The following OR9Q1 variants were observed in gnomAD, a reference collection of about 807,000 sequenced individuals.
The protein encoded by OR9Q1 is olfactory receptor family 9 subfamily Q member 1.
For missense variants in OR9Q1, 374 were observed against 378.8 expected, an observed-to-expected ratio of 0.99 and a Z score of 0.11; for synonymous variants, 153 against 148.6, an observed-to-expected ratio of 1.03 and a Z score of -0.22.
intron 1 of OR9Q1, among the ~76,000 whole-genome samples, chr11:58,034,689 A>G (rs570577083): frequency 6.7e-6 from 1 of 149,216 alleles, no homozygotes; most frequent in African/African-American, 2.5e-5. Context: ...AGAAGGGTGA[A>G]GATAGAGCAT....
intron 1 of OR9Q1, chr11:58,031,040 T>TTCACACTCTTCC: frequency 2.5e-6 from 4 of 1,614,198 alleles, no homozygotes; most frequent in Non-Finnish European, 3.4e-6. Flanking sequence ...CCTCCTCTTC[T>TTCACACTCTTCC]TCATACTCTT....
intron 2 of OR9Q1, chr11:58,119,516 C>A: frequency 9.5e-7 from 1 of 1,054,830 alleles, no homozygotes; most frequent in South Asian, 1.6e-5. Context: ...AGGACAGAAT[C>A]TTTCCCTCTA....
intron 2 of OR9Q1, among the ~76,000 whole-genome samples, chr11:58,094,303 T>C (rs905968598): frequency 2.0e-5 from 3 of 152,166 alleles, no homozygotes; most frequent in Non-Finnish European, 2.9e-5. Flanking sequence ...GTGGGTGTGG[T>C]GAGAGCAGAA....
At chr11:58,069,199 T>C (rs1853462747) in intron 2 of OR9Q1, among the ~76,000 whole-genome samples, 1 of 151,742 alleles carries the variant, frequency 6.6e-6, no homozygotes, top group Non-Finnish European at 1.5e-5. Flanking sequence ...ATGCCTCACC[T>C]GGAGTTAACA....
intron 2 of OR9Q1, among the ~76,000 whole-genome samples, chr11:58,147,709 A>G (rs1392972463): frequency 3.3e-5 from 5 of 152,196 alleles, no homozygotes; most frequent in Non-Finnish European, 7.3e-5. Flanking sequence ...TCTTCTGATT[A>G]ACGTAAAAAA....
intron 2 of OR9Q1, among the ~76,000 whole-genome samples, chr11:58,129,676 A>T (rs2119838497): frequency 6.6e-6 from 1 of 152,116 alleles, no homozygotes; most frequent in South Asian, 2.1e-4. Flanking sequence ...TCTTCTTTTC[A>T]TGCAGGTCTC....
chr11:58,032,065 T>C (rs1853046935), intron 1 of OR9Q1: 1 of 559,890 alleles, frequency 1.8e-6, no homozygotes. Context: ...GTGAAAGATA[T>C]TTATAAGGGG....
intron 2 of OR9Q1, among the ~76,000 whole-genome samples, chr11:58,080,174 A>G (rs572872327): frequency 9.2e-5 from 14 of 152,114 alleles, no homozygotes; most frequent in Admixed American, 3.3e-4. Context: ...TGCAGTGTCT[A>G]TTGTTCCATT....
chr11:58,134,125 A>G (rs557478684), intron 2 of OR9Q1, among the ~76,000 whole-genome samples: 48 of 152,350 alleles, frequency 3.2e-4, no homozygotes, highest in African/African-American at 1.1e-3. Flanking sequence ...GCCAGAATTA[A>G]GGAGGCCTGA....
chr11:58,102,146 CT>C (rs1267903808), intron 2 of OR9Q1, among the ~76,000 whole-genome samples: 3 of 152,036 alleles, frequency 2.0e-5, no homozygotes, highest in African/African-American at 7.2e-5. Flanking sequence ...CTAGTGTATA[CT>C]TTTTAATTAG....
At chr11:58,156,637 T>C (rs1157440229) in intron 2 of OR9Q1, among the ~76,000 whole-genome samples, 1 of 152,232 alleles carries the variant, frequency 6.6e-6, no homozygotes, top group Non-Finnish European at 1.5e-5. Context: ...TTCTTTATGA[T>C]AATAAACACA....
chr11:58,154,315 C>T (rs1854384580), intron 2 of OR9Q1, among the ~76,000 whole-genome samples: 1 of 151,852 alleles, frequency 6.6e-6, no homozygotes, highest in Non-Finnish European at 1.5e-5. Flanking sequence ...AGGTCTTCTG[C>T]AGGCTGCCTT....
chr11:58,136,997 C>T (rs1050328149), intron 2 of OR9Q1, among the ~76,000 whole-genome samples: 3 of 152,170 alleles, frequency 2.0e-5, no homozygotes, highest in Admixed American at 1.3e-4. Flanking sequence ...GGTTGAACCA[C>T]AGTTTATGCA....
At chr11:58,111,846 G>T (rs1469973167) in intron 2 of OR9Q1, among the ~76,000 whole-genome samples, 1 of 152,090 alleles carries the variant, frequency 6.6e-6, no homozygotes, top group Non-Finnish European at 1.5e-5. Flanking sequence ...TCTTCTTGAG[G>T]TAGCATTTTA....
chr11:58,117,723 G>C (rs1565080585), intron 2 of OR9Q1: 1 of 152,186 alleles, frequency 6.6e-6, no homozygotes, highest in Non-Finnish European at 1.5e-5. Flanking sequence ...ACACGCAATA[G>C]GGTGAGGAGG....
chr11:58,103,514 ATATATT>A (rs1853810562), intron 2 of OR9Q1, among the ~76,000 whole-genome samples: 1 of 151,996 alleles, frequency 6.6e-6, no homozygotes. Context: ...TTGTTGAATT[ATATATT>A]TATATTTTCT....
At chr11:58,165,047 G>A (rs1565094791) in intron 2 of OR9Q1, among the ~76,000 whole-genome samples, 1 of 152,024 alleles carries the variant, frequency 6.6e-6, no homozygotes, top group Non-Finnish European at 1.5e-5. Flanking sequence ...GTATTTTTCT[G>A]CATAGCACAC....
At chr11:58,093,759 CAAAAAAAAAAA>C (rs71061572) in intron 2 of OR9Q1, among the ~76,000 whole-genome samples, 3 of 35,562 alleles carry the variant, frequency 8.4e-5, no homozygotes, top group African/African-American at 2.9e-4. Context: ...GACTTCATCT[CAAAAAAAAAAA>C]AAAAAAAAAA....
chr11:58,179,840 T>C lies in OR9Q1; in HGVS notation c.396T>C (p.Tyr132=). The change falls in exon 3 of 3, where the codon TAT becomes TAC. Residue 132 remains tyrosine (Y), a synonymous_variant. Coordinates refer to ENST00000335397, the MANE Select transcript of OR9Q1 (RefSeq NM_001005212.4). ...RYLAVCQPLL[Y]VTILTQQARL... ...TGGCTGTGTGCCAGCCCCTGCTTTA[T>C]GTCACCATCCTGACACAGCAGGCCC... 1 of 1,614,234 alleles carries C rather than the reference T, an allele frequency of 6.2e-7. No individual in the cohort carries two copies. Among genetic ancestry groups the C allele is most frequent in the Non-Finnish European group, 8.5e-7 (1 of 1,180,030 alleles).
Sources: allele counts gnomAD v4.1 joint callset (sites outside exome capture counted in the v4.1 genomes callset), GRCh38; gene constraint gnomAD v4.1.1; transcripts MANE v1.5; gene names NCBI Gene and HGNC (gene_info 2026-07-23, HGNC 2026-07-21).